C9orf78: variants seen among roughly 807,000 people sequenced by gnomAD.
C9orf78 encodes chromosome 9 open reading frame 78, also known as splicing factor C9orf78.
A neutral mutation model predicts 37.4 loss-of-function variants in C9orf78; 19 were observed. The ratio of observed to expected loss-of-function variants is 0.51; its 90% CI spans 0.35 to 0.74. The LOEUF is 0.74. C9orf78 is among the 30% of genes least tolerant of loss of function. The pLI, the probability that C9orf78 is intolerant of heterozygous loss-of-function variation, is 0.01. For synonymous variants in C9orf78, 130 were observed against 128.0 expected, an observed-to-expected ratio of 1.02 and a Z score of -0.10; for missense variants, 291 against 370.8, an observed-to-expected ratio of 0.78 and a Z score of 1.77.
intron 2 of C9orf78, 41 bp from the exon 3 acceptor site, chr9:129,833,750 A>C (rs1294883729): frequency 1.4e-6 from 2 of 1,471,448 alleles, no homozygotes; most frequent in Non-Finnish European, 1.9e-6. Flanking sequence ...GAGAGAGAGA[A>C]ATGGCATAAT....
chr9:129,835,184 C>A lies in C9orf78; in HGVS notation c.38G>T (p.Gly13Val). 6.2e-7 allele frequency: 1 copy of A among 1,610,496 alleles called. No individual in the cohort carries two copies. The highest frequency in any genetic ancestry group is 8.5e-7 in the Non-Finnish European group (1 of 1,178,882). Reference sequence around the variant, plus strand: ...CTCATCTTCCTCTGACTCCGAGTCGCCCCGGCGGCGACGGAAAATCTTCCG... The same window carrying A: ...CTCATCTTCCTCTGACTCCGAGTCGACCCGGCGGCGACGGAAAATCTTCCG... ...VVRKIFRRRR[G>V]DSESEEDEQD... The change falls in exon 1 of 9, where the codon GGC becomes GTC. Residue 13 changes from glycine (G) to valine (V), a missense_variant. By Grantham distance (109) the Gly-to-Val change is moderately radical. Around this residue, in one of 3 missense-constraint regions of C9orf78, gnomAD observed 158 missense variants for 174.8 expected, o/e 0.90. Coordinates refer to ENST00000372447, the MANE Select transcript of C9orf78 (RefSeq NM_016520.3).
intron 4 of C9orf78, 126 bp from the exon 5 acceptor site, chr9:129,832,099 A>AG (rs1185183196): frequency 2.3e-5 from 14 of 616,196 alleles, no homozygotes; most frequent in African/African-American, 5.6e-5. Flanking sequence ...GCAAAAAAAA[A>AG]AAAATGCCGT....
At chr9:129,834,467 T>TA in intron 2 of C9orf78, 1 of 471,518 alleles carries the variant, frequency 2.1e-6, no homozygotes, top group South Asian at 4.0e-5. Flanking sequence ...TTGGTTTTAA[T>TA]AAAAAACGCG....
In C9orf78 at chr9:129,827,334, CAT is replaced by C. The variant is rs2095218741; in HGVS notation, c.*825_*826del. The C allele has an allele frequency of 6.6e-6, 1 of 151,854 alleles. No homozygotes were observed. The highest frequency in any genetic ancestry group is 1.5e-5 in the Non-Finnish European group (1 of 67,966). 9.4% of individuals were successfully genotyped at this position (151,854 alleles called of 1,614,324 possible). ...TAATAATTCTAATAGTAATAAGAAACATAGTTTATGCTTTTTTTTTAATGAAA... is the reference window on the plus strand; with the variant it reads ...TAATAATTCTAATAGTAATAAGAAACAGTTTATGCTTTTTTTTTAATGAAA... On this transcript the variant is annotated 3_prime_UTR_variant, in exon 9 of 9. Coordinates refer to ENST00000372447, the MANE Select transcript of C9orf78 (RefSeq NM_016520.3).
chr9:129,835,093 C>G (rs755867968), intron 1 of C9orf78, 46 bp downstream of exon 1: 1 of 1,437,702 alleles, frequency 7.0e-7, no homozygotes, highest in Non-Finnish European at 9.8e-7. Flanking sequence ...GTCCCCCAAA[C>G]AAGTCTATCT....
chr9:129,829,785 G>A, intron 6 of C9orf78: 1 of 420,234 alleles, frequency 2.4e-6, no homozygotes, highest in Non-Finnish European at 4.3e-6. Flanking sequence ...AAATGCTTAA[G>A]GCTCAAAGTT....
intron 2 of C9orf78, chr9:129,834,436 C>A: frequency 2.2e-6 from 1 of 446,370 alleles, no homozygotes; most frequent in Non-Finnish European, 3.9e-6. Flanking sequence ...TCTTAACGAT[C>A]GATATGCATT....
intron 8 of C9orf78, chr9:129,828,495 C>G: frequency 3.2e-6 from 1 of 312,550 alleles, no homozygotes; most frequent in Admixed American, 4.3e-5. Flanking sequence ...ATGATCTCAG[C>G]TCACTGCAAC....
chr9:129,832,915 G>C (rs891266976), intron 4 of C9orf78, among the ~76,000 whole-genome samples: 1 of 151,504 alleles, frequency 6.6e-6, no homozygotes, highest in South Asian at 2.1e-4. Context: ...TTAATTTCCT[G>C]AATAGCTGGG....
At chr9:129,833,030 CAT>C (rs200910694) in intron 4 of C9orf78, among the ~76,000 whole-genome samples, 9,033 of 142,684 alleles carry the variant, frequency 0.063, 397 homozygotes, top group Middle Eastern at 0.13. Flanking sequence ...TGTGTATATA[CAT>C]GTGTGTATAT....
Position 129,833,855 on chromosome 9 carries a change from C to T in C9orf78, c.144-146G>A, listed in dbSNP as rs931537845. The T allele has an allele frequency of 3.9e-5, 25 of 646,250 alleles. 1 individual carries two copies. The South Asian group carries it at 4.4e-4, about 11-fold the overall frequency. 40.0% of individuals were successfully genotyped at this position (646,250 alleles called of 1,614,324 possible). On this transcript the variant is annotated intron_variant, in intron 2 of 8. Transcript: ENST00000372447. ...TGGGTAGGCAAGCCGGCTGGAAAAG[C>T]CTATAAGCATAAGACAGGGCTCAAC...
chr9:129,832,923 G>A (rs1304897996), intron 4 of C9orf78, among the ~76,000 whole-genome samples: 1 of 151,766 alleles, frequency 6.6e-6, no homozygotes, highest in African/African-American at 2.4e-5. Context: ...CTGAATAGCT[G>A]GGACTACAGG....
At chr9:129,833,209 C>T (rs2031555540) in intron 4 of C9orf78, among the ~76,000 whole-genome samples, 1 of 151,344 alleles carries the variant, frequency 6.6e-6, no homozygotes, top group African/African-American at 2.4e-5. Flanking sequence ...GGATTATAGG[C>T]ATGAGTCATC....
At chr9:129,831,543 G>C in intron 5 of C9orf78, 4 of 242,648 alleles carry the variant, frequency 1.6e-5, no homozygotes, top group Non-Finnish European at 3.2e-5. Context: ...TCCTGCCTCA[G>C]CCTCCCGAGT....
At chr9:129,828,468 G>T in intron 8 of C9orf78, 1 of 388,746 alleles carries the variant, frequency 2.6e-6, no homozygotes, top group Non-Finnish European at 4.9e-6. Context: ...CTGTTGCCCA[G>T]GCTAGAGTGT....
chr9:129,829,131 C>A (rs760491729), intron 8 of C9orf78, 74 bp downstream of exon 8: 15 of 1,038,250 alleles, frequency 1.4e-5, no homozygotes, highest in East Asian at 2.4e-5. Context: ...CCCTGTCCCC[C>A]GCTGCATCCT....
intron 2 of C9orf78, chr9:129,833,926 TAC>T: frequency 1.8e-6 from 1 of 552,328 alleles, no homozygotes; most frequent in Non-Finnish European, 3.2e-6. Flanking sequence ...GGTGAAGTGG[TAC>T]ACTTTGCCAC....
At chr9:129,831,671 G>A in intron 5 of C9orf78, 3 of 475,880 alleles carry the variant, frequency 6.3e-6, no homozygotes, top group Non-Finnish European at 1.1e-5. Flanking sequence ...TGATCCACCT[G>A]CCTCGGCCTC....
At chr9:129,833,796 T>C (rs1426546507) in intron 2 of C9orf78, 87 bp from the exon 3 acceptor site, 15 of 924,380 alleles carry the variant, frequency 1.6e-5, no homozygotes, top group South Asian at 7.0e-5. Flanking sequence ...GGTATGCGGA[T>C]TGCAACATTA....
Sources: gnomAD v4.1 joint callset for allele counts (sites outside exome capture counted in the v4.1 genomes callset) on GRCh38, gnomAD v4.1.1 for gene constraint, gnomAD v4.1.1 regional missense constraint, MANE v1.5 for transcripts, NCBI Gene and HGNC (gene_info 2026-07-23, HGNC 2026-07-21) for gene names.